DCBLD2: variants seen among roughly 807,000 people sequenced by gnomAD.
DCBLD2 encodes discoidin, CUB and LCCL domain containing 2, also known as discoidin, CUB and LCCL domain-containing protein 2.
Under a neutral mutation model 86.8 loss-of-function variants are expected in DCBLD2, and 54 were observed. The ratio of observed to expected loss-of-function variants is 0.62; its 90% CI spans 0.50 to 0.78. DCBLD2 has a LOEUF of 0.78. Among genes scored for constraint, DCBLD2 ranks in the 30% least tolerant of loss-of-function variants. The pLI, the probability that DCBLD2 is intolerant of heterozygous loss-of-function variation, is 0.00. For missense variants in DCBLD2, 908 were observed against 954.2 expected (o/e 0.95, Z 0.64); for synonymous variants, 354 against 341.3 (o/e 1.04, Z -0.41).
At chr3:98,898,358 G>GA (rs1184520378) in intron 1 of DCBLD2, among the ~76,000 whole-genome samples, 2 of 150,276 alleles carry the variant, frequency 1.3e-5, no homozygotes, top group Admixed American at 6.7e-5. Context: ...ATGTCAGAAA[G>GA]AAAAAAGACA....
At chr3:98,856,892 G>GA (rs977053638) in intron 2 of DCBLD2, among the ~76,000 whole-genome samples, 3 of 152,184 alleles carry the variant, frequency 2.0e-5, no homozygotes, top group African/African-American at 7.2e-5. Context: ...GGATCAGTGA[G>GA]AATGTGGCTG....
intron 3 of DCBLD2, among the ~76,000 whole-genome samples, chr3:98,831,340 C>T (rs534745899): frequency 7.9e-5 from 12 of 152,166 alleles, no homozygotes; most frequent in African/African-American, 1.9e-4. Flanking sequence ...CATGAGCTAC[C>T]GCTCTTGGCC....
chr3:98,825,210 C>A, intron 4 of DCBLD2, 105 bp downstream of exon 4: 2 of 838,790 alleles, frequency 2.4e-6, no homozygotes. Context: ...ATATGTATCA[C>A]ACAATATACA....
intron 3 of DCBLD2, among the ~76,000 whole-genome samples, chr3:98,836,911 G>A (rs1365871595): frequency 1.8e-4 from 14 of 75,760 alleles, no homozygotes; most frequent in South Asian, 4.7e-4. Flanking sequence ...GCGGCTGGCC[G>A]GGCGGGGGGC....
intron 2 of DCBLD2, among the ~76,000 whole-genome samples, chr3:98,866,438 A>C (rs899616870): frequency 6.6e-6 from 1 of 152,050 alleles, no homozygotes; most frequent in African/African-American, 2.4e-5. Context: ...TGTGGTTTTG[A>C]TTTGCATTTC....
At chr3:98,866,280 G>A (rs1269023286) in intron 2 of DCBLD2, among the ~76,000 whole-genome samples, 7 of 152,248 alleles carry the variant, frequency 4.6e-5, no homozygotes, top group East Asian at 1.9e-4. Context: ...CTGAGGAATC[G>A]CCACACTGTC....
At chr3:98,855,385 A>C (rs1942913375) in intron 2 of DCBLD2, among the ~76,000 whole-genome samples, 1 of 152,198 alleles carries the variant, frequency 6.6e-6, no homozygotes, top group Admixed American at 6.5e-5. Context: ...AAAATAGTAC[A>C]GCCACAAAAA....
At chr3:98,856,123 T>C (rs970883333) in intron 2 of DCBLD2, among the ~76,000 whole-genome samples, 1 of 152,220 alleles carries the variant, frequency 6.6e-6, no homozygotes, top group African/African-American at 2.4e-5. Flanking sequence ...TGAAAAAATA[T>C]ACTCTTCACT....
chr3:98,877,326 C>CT (rs1033094588), intron 2 of DCBLD2, among the ~76,000 whole-genome samples: 1 of 152,122 alleles, frequency 6.6e-6, no homozygotes, highest in African/African-American at 2.4e-5. Flanking sequence ...TATTTAGACT[C>CT]TAAGTCCTCA....
intron 3 of DCBLD2, among the ~76,000 whole-genome samples, chr3:98,840,260 T>C (rs1051536469): frequency 1.3e-5 from 2 of 152,204 alleles, no homozygotes; most frequent in African/African-American, 4.8e-5. Context: ...TAAGATGTAG[T>C]CAGATTCTGG....
intron 3 of DCBLD2, among the ~76,000 whole-genome samples, chr3:98,845,841 T>C (rs1424781059): frequency 1.3e-5 from 2 of 152,216 alleles, no homozygotes; most frequent in Non-Finnish European, 2.9e-5. Context: ...TAGAATGTTT[T>C]TCCTTCCTTG....
At chr3:98,808,255 A>G (rs1941876948) in intron 12 of DCBLD2, 81 bp from the exon 13 acceptor site, 1 of 1,219,414 alleles carries the variant, frequency 8.2e-7, no homozygotes, top group Non-Finnish European at 1.1e-6. Context: ...AATTAACCAC[A>G]TCATCTTTCA....
chr3:98,812,609 G>A, intron 9 of DCBLD2, 127 bp from the exon 10 acceptor site: 3 of 677,060 alleles, frequency 4.4e-6, no homozygotes, highest in South Asian at 3.1e-5. Flanking sequence ...TGATAATAAG[G>A]ATCAATTTTT....
chr3:98,805,074 G>A (rs958814351), intron 13 of DCBLD2: 18 of 152,428 alleles, frequency 1.2e-4, no homozygotes, highest in Admixed American at 4.6e-4. Context: ...ATGTGCTGCC[G>A]AAGTGAGCAC....
chr3:98,821,840 G>A (rs1212422043), intron 6 of DCBLD2, among the ~76,000 whole-genome samples: 11 of 152,060 alleles, frequency 7.2e-5, no homozygotes, highest in Non-Finnish European at 1.6e-4. Context: ...GAGGTCAGGA[G>A]TTCGAGAGCA....
intron 1 of DCBLD2, 51 bp from the exon 2 acceptor site, chr3:98,881,818 C>A: frequency 6.5e-7 from 1 of 1,530,252 alleles, no homozygotes; most frequent in South Asian, 1.2e-5. Flanking sequence ...ATTTTACTTC[C>A]TCTATAATGA....
intron 2 of DCBLD2, 89 bp from the exon 3 acceptor site, chr3:98,849,687 A>G: frequency 1.4e-6 from 2 of 1,395,946 alleles, no homozygotes. Context: ...AGAATAATAT[A>G]CCAAGCTGGC....
intron 2 of DCBLD2, among the ~76,000 whole-genome samples, chr3:98,856,980 C>T (rs1942943071): frequency 6.6e-6 from 1 of 152,190 alleles, no homozygotes; most frequent in Admixed American, 6.5e-5. Flanking sequence ...TTCTTGGTCT[C>T]ACTGACTTCA....
chr3:98,824,924 A>T (rs1250752770), intron 4 of DCBLD2, among the ~76,000 whole-genome samples: 2 of 152,210 alleles, frequency 1.3e-5, no homozygotes, highest in Non-Finnish European at 2.9e-5. Flanking sequence ...AAAGAAGAGA[A>T]ATAGTAGAAA....
Sources: allele counts gnomAD v4.1 joint callset (sites outside exome capture counted in the v4.1 genomes callset), GRCh38; gene constraint gnomAD v4.1.1; transcripts MANE v1.5; gene names NCBI Gene and HGNC (gene_info 2026-07-23, HGNC 2026-07-21).